The following ADCY1 variants were observed in gnomAD, a reference collection of about 807,000 sequenced individuals.
ADCY1 encodes the protein adenylate cyclase 1, also known as adenylate cyclase type 1.
In ADCY1, 28 loss-of-function variants were observed where a neutral mutation model predicts 105.4. The ratio of observed to expected loss-of-function variants is 0.27; its 90% CI spans 0.20 to 0.36. The LOEUF (loss-of-function observed/expected upper bound fraction) is 0.36, where lower values mean the gene tolerates loss of function less well. Ranked by LOEUF, ADCY1 falls within the 10% of genes least tolerant of loss-of-function variation. The pLI, the probability that ADCY1 is intolerant of heterozygous loss-of-function variation, is 1.00. For missense variants in ADCY1, 977 were observed against 1,434.2 expected (o/e 0.68, Z 5.15); for synonymous variants, 655 against 623.8 (o/e 1.05, Z -0.75).
chr7:45,701,038 C>T (rs1217323224), intron 14 of ADCY1, among the ~76,000 whole-genome samples: 1 of 152,176 alleles, frequency 6.6e-6, no homozygotes, highest in Non-Finnish European at 1.5e-5. Context: ...AGGGAAATAC[C>T]TTTTGAAAGA....
At chr7:45,667,757 CG>C (rs1421747972) in intron 8 of ADCY1, among the ~76,000 whole-genome samples, 1 of 152,136 alleles carries the variant, frequency 6.6e-6, no homozygotes, top group Non-Finnish European at 1.5e-5. Flanking sequence ...TCTTCCTATC[CG>C]TGAGCATGGA....
intron 8 of ADCY1, chr7:45,664,559 A>G (rs1795218978): frequency 7.8e-7 from 1 of 1,288,594 alleles, no homozygotes; most frequent in Non-Finnish European, 1.0e-6. Context: ...GAAAATGAAA[A>G]GCATTTATCT....
intron 4 of ADCY1, among the ~76,000 whole-genome samples, chr7:45,638,619 A>C (rs1584292854): frequency 6.6e-6 from 1 of 151,924 alleles, no homozygotes; most frequent in African/African-American, 2.4e-5. Context: ...TGTGTGCCTC[A>C]TATGTGCTGG....
chr7:45,703,199 T>C lies in ADCY1; in HGVS notation c.2455-177T>C, dbSNP rs1350768273. Among the ~76,000 whole-genome samples the C allele has an allele frequency of 3.9e-5, 6 of 152,084 alleles. No individual in the cohort carries two copies. The highest frequency in any genetic ancestry group is 8.8e-5 in the Non-Finnish European group (6 of 68,012). On this transcript the variant is annotated intron_variant, in intron 14 of 19. Transcript: ENST00000297323. The surrounding 1 kb of genome is among the most constrained non-coding windows in gnomAD (Gnocchi z 5.9). The stretch of plus-strand genomic sequence containing the variant: ...GACTTAGGCAGACATCTGCAGATCT[T>C]CCCTACCCAGTAACATGGATCTAGT...
chr7:45,635,110 A>G (rs1584289959), intron 4 of ADCY1, among the ~76,000 whole-genome samples: 1 of 148,940 alleles, frequency 6.7e-6, no homozygotes, highest in Non-Finnish European at 1.5e-5. Flanking sequence ...TACAAATTTA[A>G]TTTCTTTAAA....
chr7:45,692,368 C>T lies in ADCY1; in HGVS notation c.2454+5695C>T, dbSNP rs527701095. Reference sequence around the variant, plus strand: ...TCACATGGTTGAGGTGTAACCCCTGCCCTTGGGTGCTCACAGGCTGTTAAA... The same window carrying T: ...TCACATGGTTGAGGTGTAACCCCTGTCCTTGGGTGCTCACAGGCTGTTAAA... On this transcript the variant is annotated intron_variant, in intron 14 of 19. Coordinates refer to ENST00000297323, the MANE Select transcript of ADCY1 (RefSeq NM_021116.4). 2.0e-5 allele frequency among the ~76,000 whole-genome samples: 3 copies of T among 152,324 alleles called. No homozygotes were observed. The East Asian group carries it at 5.8e-4, about 29-fold the overall frequency.
intron 1 of ADCY1, among the ~76,000 whole-genome samples, chr7:45,580,206 G>T (rs748142473): frequency 2.6e-5 from 4 of 152,212 alleles, no homozygotes; most frequent in Admixed American, 1.3e-4. Context: ...AAGTGGTCCA[G>T]TGGGCCCAGG....
At chr7:45,632,791 A>G (rs751877619) in intron 4 of ADCY1, among the ~76,000 whole-genome samples, 1 of 152,036 alleles carries the variant, frequency 6.6e-6, no homozygotes, top group African/African-American at 2.4e-5. Flanking sequence ...GCTGGTCTCA[A>G]ACTCCTGAGC....
chr7:45,674,963 T>C (rs1784428441), intron 8 of ADCY1, among the ~76,000 whole-genome samples: 1 of 152,244 alleles, frequency 6.6e-6, no homozygotes, highest in African/African-American at 2.4e-5. Flanking sequence ...TTAAACAGCA[T>C]ATATTTGGAT....
intron 11 of ADCY1, among the ~76,000 whole-genome samples, chr7:45,683,369 T>G (rs1181409524): frequency 6.6e-6 from 1 of 152,070 alleles, no homozygotes; most frequent in Non-Finnish European, 1.5e-5. Flanking sequence ...GGAAACAAAG[T>G]ACCCACCCAG....
intron 4 of ADCY1, among the ~76,000 whole-genome samples, chr7:45,635,894 C>T (rs914598265): frequency 7.9e-5 from 12 of 151,942 alleles, no homozygotes; most frequent in African/African-American, 2.9e-4. Context: ...TATTGATTTC[C>T]TGGCTACTTG....
Position 45,703,948 on chromosome 7 carries a change from G to A in ADCY1, c.2718+202G>A, listed in dbSNP as rs973907042. On this transcript the variant is annotated intron_variant, in intron 16 of 19. Coordinates refer to ENST00000297323, the MANE Select transcript of ADCY1 (RefSeq NM_021116.4). This position sits in a 1 kb window ranked among gnomAD's most constrained non-coding sequence, Gnocchi z 5.9. ...GAAGGGGGTCTTGACTCTAGGTTGG[G>A]GGACCAGGGCCACTGGGTGGGGCTG... Among the ~76,000 whole-genome samples the A allele has an allele frequency of 3.3e-5, 5 of 152,208 alleles. No individual in the cohort carries two copies. The highest frequency in any genetic ancestry group is 9.6e-5 in the African/African-American group (4 of 41,458).
intron 4 of ADCY1, among the ~76,000 whole-genome samples, chr7:45,644,215 A>G (rs991504691): frequency 6.6e-6 from 1 of 151,922 alleles, no homozygotes; most frequent in Non-Finnish European, 1.5e-5. Context: ...ACCTCTCTGG[A>G]CTCTACTGTT....
At position 45,575,515 on chromosome 7, in the gene ADCY1, C is replaced by T. The variant is rs543041940; in HGVS notation, c.639+333C>T. Among the ~76,000 whole-genome samples the T allele has an allele frequency of 6.6e-6, 1 of 152,358 alleles. No homozygotes were observed. The highest frequency in any genetic ancestry group is 2.1e-4 in the South Asian group (1 of 4,826). On this transcript the variant is annotated intron_variant, in intron 1 of 19. Coordinates refer to ENST00000297323, the MANE Select transcript of ADCY1 (RefSeq NM_021116.4). This position sits in a 1 kb window ranked among gnomAD's most constrained non-coding sequence, Gnocchi z 4.7. ...CCAGAGGGGTCCGCCGGTCTTTTGC[C>T]GCACCCATCCCCACAGAGGGACTGA...
chr7:45,625,226 C>T (rs1316046469), intron 4 of ADCY1, among the ~76,000 whole-genome samples: 6 of 152,162 alleles, frequency 3.9e-5, no homozygotes, highest in African/African-American at 1.4e-4. Context: ...TTCGAGGCAT[C>T]GTCACATGCT....
intron 5 of ADCY1, among the ~76,000 whole-genome samples, chr7:45,651,058 C>T (rs1794795787): frequency 6.6e-6 from 1 of 152,162 alleles, no homozygotes; most frequent in Non-Finnish European, 1.5e-5. Context: ...AACTGGTCTA[C>T]CCTAGTGCCA....
rs1047457080 is a variant in ADCY1 at position 45,720,077 on chromosome 7, G to A, written c.*6082G>A. 6.6e-6 allele frequency: 1 copy of A among 152,158 alleles called. No homozygotes were observed. Among genetic ancestry groups the A allele is most frequent in the African/African-American group, 2.4e-5 (1 of 41,416 alleles). The allele number at this position is 152,158 out of a possible 1,614,324, so 9.4% of individuals were successfully genotyped here. ...CCTCCAGCTCCCCTCCAGTTACCAG[G>A]AGCCGATTTGGAGGCCAGGCCTTCC... On this transcript the variant is annotated 3_prime_UTR_variant, in exon 20 of 20. Transcript: ENST00000297323.
rs1793734854 is a variant in ADCY1, at chr7:45,616,279, A to G, written c.908+5782A>G. On this transcript the variant is annotated intron_variant, in intron 3 of 19. Coordinates refer to ENST00000297323, the MANE Select transcript of ADCY1 (RefSeq NM_021116.4). The stretch of plus-strand genomic sequence containing the variant: ...AAGAATTAATGGCAGTCCTTCTCCA[A>G]GTCTCCAAAATTGAAGAGGAGGGAA... Among the ~76,000 whole-genome samples, 10 of 152,348 alleles carry G rather than the reference A, an allele frequency of 6.6e-5. No individual in the cohort carries two copies. In the South Asian group the frequency reaches 2.1e-3, roughly 32 times the overall value.
chr7:45,634,890 T>C (rs1022062967), intron 4 of ADCY1, among the ~76,000 whole-genome samples: 1 of 152,238 alleles, frequency 6.6e-6, no homozygotes, highest in African/African-American at 2.4e-5. Flanking sequence ...TCATTTATGT[T>C]ACTTAAAGAT....
Sources: allele counts gnomAD v4.1 joint callset (sites outside exome capture counted in the v4.1 genomes callset), GRCh38; gene constraint gnomAD v4.1.1; non-coding constraint Gnocchi (gnomAD v3.1); transcripts MANE v1.5; gene names NCBI Gene and HGNC (gene_info 2026-07-23, HGNC 2026-07-21).